Variants in TTLL5 observed in about 807,000 individuals in gnomAD.
The protein encoded by TTLL5 is tubulin polyglutamylase TTLL5.
Under a neutral mutation model 168.4 loss-of-function variants are expected in TTLL5, and 132 were observed. That is an observed-to-expected ratio of 0.78 (90% CI 0.68 to 0.91). TTLL5 has a LOEUF of 0.91. TTLL5 is among the 40% of genes least tolerant of loss of function. The pLI is 0.00. For missense variants in TTLL5, 1,545 were observed against 1,581.5 expected (o/e 0.98, Z 0.39); for synonymous variants, 546 against 558.6 (o/e 0.98, Z 0.32).
intron 5 of TTLL5, chr14:75,683,931 G>A (rs934150704): frequency 6.9e-6 from 2 of 289,766 alleles, no homozygotes; most frequent in Non-Finnish European, 1.3e-5. Context: ...GCACCACCAT[G>A]CCCGGCTAAT....
chr14:75,816,661 A>T (rs1036046405), intron 27 of TTLL5, among the ~76,000 whole-genome samples: 1 of 152,194 alleles, frequency 6.6e-6, no homozygotes, highest in Admixed American at 6.5e-5. Context: ...AGCCTCCTTT[A>T]TTAAGTTCTT....
intron 26 of TTLL5, 81 bp downstream of exon 26, chr14:75,783,611 T>C: frequency 6.6e-7 from 1 of 1,524,142 alleles, no homozygotes; most frequent in Non-Finnish European, 8.8e-7. Context: ...CTCTTCCCTT[T>C]GCCTTTTTTT....
At chr14:75,670,577 A>G (rs1883664542) in intron 3 of TTLL5, among the ~76,000 whole-genome samples, 1 of 152,190 alleles carries the variant, frequency 6.6e-6, no homozygotes, top group Non-Finnish European at 1.5e-5. Flanking sequence ...CCTCACTAAC[A>G]TTTGATATTT....
At chr14:75,680,332 A>G (rs1468154204) in intron 3 of TTLL5, among the ~76,000 whole-genome samples, 1 of 152,182 alleles carries the variant, frequency 6.6e-6, no homozygotes, top group Non-Finnish European at 1.5e-5. Flanking sequence ...CCTGTCCTGA[A>G]TGGGGCAGGT....
rs1186242181 is a variant in TTLL5 at position 75,911,754 on chromosome 14, T to C, written c.3823+9530T>C. Among the ~76,000 whole-genome samples the C allele has an allele frequency of 5.3e-5, 8 of 152,350 alleles. No homozygotes were observed. The South Asian group carries it at 1.4e-3, about 28-fold the overall frequency. On this transcript the variant is annotated intron_variant, in intron 31 of 31. Transcript: ENST00000298832. The stretch of plus-strand genomic sequence containing the variant: ...TTATTGATAGTTTTTAATCAGATAC[T>C]GGAATATGGAATTTTCAAAATCACA...
Position 75,712,690 on chromosome 14 carries a change from A to G in TTLL5, c.740+4983A>G, listed in dbSNP as rs757485964. 1.3e-3 allele frequency among the ~76,000 whole-genome samples: 195 copies of G among 152,046 alleles called. 1 individual carries two copies. The highest frequency in any genetic ancestry group is 1.9e-3 in the Non-Finnish European group (131 of 67,962). ...AGTTAATGTTTGCCAAGTCCCTACCATATGCCAAACATTGAAATCTTTTCT... is the reference window on the plus strand; with the variant it reads ...AGTTAATGTTTGCCAAGTCCCTACCGTATGCCAAACATTGAAATCTTTTCT... On this transcript the variant is annotated intron_variant, in intron 9 of 31. Coordinates refer to ENST00000298832, the MANE Select transcript of TTLL5 (RefSeq NM_015072.5).
intron 28 of TTLL5, among the ~76,000 whole-genome samples, chr14:75,832,775 A>G (rs1279560467): frequency 6.6e-6 from 1 of 152,176 alleles, no homozygotes; most frequent in South Asian, 2.1e-4. Context: ...CACGTTACTC[A>G]GTTAGTTTGG....
intron 17 of TTLL5, among the ~76,000 whole-genome samples, chr14:75,748,621 C>T (rs928992291): frequency 1.4e-4 from 21 of 152,176 alleles, no homozygotes; most frequent in African/African-American, 4.8e-4. Flanking sequence ...TTTGTATAGG[C>T]TCAGTGCCTT....
rs768832622 is a variant in TTLL5 at position 75,745,077 on chromosome 14, T to C, written c.1282-18T>C. The C allele has an allele frequency of 7.5e-6, 12 of 1,609,146 alleles. No homozygotes were observed. The highest frequency in any genetic ancestry group is 4.0e-5 in the African/African-American group (3 of 74,572). ...ACTTAAAAAATTTTTTTTACTATTTTCATTTTCTTCTCCTTAGCGTTGCCG... is the reference window on the plus strand; with the variant it reads ...ACTTAAAAAATTTTTTTTACTATTTCCATTTTCTTCTCCTTAGCGTTGCCG... On this transcript the variant is annotated intron_variant, in intron 15 of 31. Coordinates refer to ENST00000298832, the MANE Select transcript of TTLL5 (RefSeq NM_015072.5).
intron 31 of TTLL5, among the ~76,000 whole-genome samples, chr14:75,945,040 C>A (rs1199185693): frequency 2.0e-5 from 3 of 151,906 alleles, no homozygotes; most frequent in African/African-American, 7.3e-5. Flanking sequence ...AAGGGAAAAA[C>A]CAGGGGAGAA....
rs372497091 is a variant in TTLL5 at position 75,691,130 on chromosome 14, A to G, written c.502+808A>G. On this transcript the variant is annotated intron_variant, in intron 6 of 31. Coordinates refer to ENST00000298832, the MANE Select transcript of TTLL5 (RefSeq NM_015072.5). ...TTCTCTCCCCTTTGAGTTCAGACTA[A>G]TAAAAAAAAATACACGTAGGAGCCA... 3.9e-5 allele frequency among the ~76,000 whole-genome samples: 6 copies of G among 152,304 alleles called. No individual in the cohort carries two copies. The South Asian group carries it at 1.2e-3, about 32-fold the overall frequency.
At chr14:75,950,991 T>C (rs2140220996) in intron 31 of TTLL5, among the ~76,000 whole-genome samples, 2 of 151,914 alleles carry the variant, frequency 1.3e-5, no homozygotes, top group East Asian at 1.9e-4. Context: ...AATGTGTTTT[T>C]TGTTTTTAAT....
At chr14:75,888,551 A>T (rs1050174210) in intron 30 of TTLL5, among the ~76,000 whole-genome samples, 1 of 152,194 alleles carries the variant, frequency 6.6e-6, no homozygotes. Context: ...AGCCCTTGGC[A>T]AATTTAGACC....
At chr14:75,817,362 C>T (rs150182086) in intron 27 of TTLL5, among the ~76,000 whole-genome samples, 1,883 of 152,168 alleles carry the variant, frequency 0.012, 14 homozygotes, top group South Asian at 0.025. Context: ...TCATATATGG[C>T]CGGTGAGTTT....
At chr14:75,805,569 A>G (rs1239958535) in intron 27 of TTLL5, among the ~76,000 whole-genome samples, 2 of 152,110 alleles carry the variant, frequency 1.3e-5, no homozygotes, top group African/African-American at 4.8e-5. Context: ...TCTCCCAAGT[A>G]TATATCTTTA....
chr14:75,818,570 C>T (rs1894627203), intron 27 of TTLL5: 1 of 290,644 alleles, frequency 3.4e-6, no homozygotes, highest in Non-Finnish European at 6.6e-6. Context: ...TCACCGCAAC[C>T]TCTGCCTCCC....
intron 7 of TTLL5, among the ~76,000 whole-genome samples, chr14:75,700,825 A>G (rs1392383072): frequency 6.6e-6 from 1 of 152,066 alleles, no homozygotes; most frequent in Non-Finnish European, 1.5e-5. Context: ...AGACCCACCC[A>G]TATGGATTTG....
chr14:75,952,094 AAAG>A (rs2034978858), intron 31 of TTLL5, among the ~76,000 whole-genome samples: 1 of 152,248 alleles, frequency 6.6e-6, no homozygotes, highest in African/African-American at 2.4e-5. Context: ...CAATAATAAA[AAAG>A]ACGACTCAGG....
intron 31 of TTLL5, among the ~76,000 whole-genome samples, chr14:75,921,400 T>C (rs567686310): frequency 1.3e-5 from 2 of 152,356 alleles, no homozygotes; most frequent in African/African-American, 4.8e-5. Flanking sequence ...TTAATTTTTG[T>C]ATAAGATGTA....
Sources: allele counts gnomAD v4.1 joint callset (sites outside exome capture counted in the v4.1 genomes callset), GRCh38; gene constraint gnomAD v4.1.1; transcripts MANE v1.5; gene names NCBI Gene and HGNC (gene_info 2026-07-23, HGNC 2026-07-21).